CNTLN: variants seen among roughly 807,000 people sequenced by gnomAD.
CNTLN encodes centlein, centrosomal protein.
CNTLN carries 212 observed loss-of-function variants against 180.0 expected under a neutral mutation model. The observed-to-expected ratio is 1.18, with a 90% CI of 1.05 to 1.32. The LOEUF (loss-of-function observed/expected upper bound fraction) is 1.32. CNTLN is among the 40% of genes most tolerant of loss of function. The probability of loss-of-function intolerance (pLI) is 0.00; values close to 1 mark genes in which losing one functional copy is unlikely to be tolerated. For synonymous variants in CNTLN, 722 were observed against 563.1 expected, an observed-to-expected ratio of 1.28 and a Z score of -3.99; for missense variants, 2,095 against 1,610.9, an observed-to-expected ratio of 1.30 and a Z score of -5.14.
chr9:17,483,191 A>G (rs191218146), intron 23 of CNTLN, among the ~76,000 whole-genome samples: 25 of 152,268 alleles, frequency 1.6e-4, no homozygotes, highest in African/African-American at 5.3e-4. Flanking sequence ...ACAAAAAATG[A>G]CAAAGAAAAT....
intron 6 of CNTLN, among the ~76,000 whole-genome samples, chr9:17,282,599 A>C (rs766380165): frequency 3.9e-5 from 6 of 151,978 alleles, no homozygotes; most frequent in Non-Finnish European, 7.4e-5. Context: ...ATTAGATAGC[A>C]TTTGTCCATT....
At chr9:17,185,466 T>C (rs1292490876) in intron 2 of CNTLN, among the ~76,000 whole-genome samples, 1 of 152,224 alleles carries the variant, frequency 6.6e-6, no homozygotes, top group East Asian at 1.9e-4. Context: ...CAGCAAACGT[T>C]TTCTTTTTAA....
At chr9:17,454,714 C>G (rs1325850888) in intron 18 of CNTLN, among the ~76,000 whole-genome samples, 1 of 152,176 alleles carries the variant, frequency 6.6e-6, no homozygotes, top group East Asian at 1.9e-4. Flanking sequence ...CTCGAGATCA[C>G]CTTTGTTAGG....
At chr9:17,314,858 T>C (rs955407450) in intron 8 of CNTLN, among the ~76,000 whole-genome samples, 2 of 152,220 alleles carry the variant, frequency 1.3e-5, no homozygotes, top group African/African-American at 2.4e-5. Flanking sequence ...TCTGTCATTA[T>C]TGTAAATGGA....
chr9:17,268,638 G>A (rs931053925), intron 5 of CNTLN, among the ~76,000 whole-genome samples: 8 of 152,284 alleles, frequency 5.3e-5, no homozygotes, highest in East Asian at 3.9e-4. Flanking sequence ...TGCCCCCAGA[G>A]GTGGAGCCTA....
the CNTLN span, among the ~76,000 whole-genome samples, chr9:17,528,404 A>G: frequency 2.0e-5 from 3 of 152,206 alleles, no homozygotes; most frequent in African/African-American, 7.2e-5. Context: ...TATGAAGAGG[A>G]CATTAGACAA....
intron 12 of CNTLN, among the ~76,000 whole-genome samples, chr9:17,360,987 T>C (rs1489056280): frequency 6.6e-6 from 1 of 152,216 alleles, no homozygotes; most frequent in East Asian, 1.9e-4. Context: ...CTTATTTCTG[T>C]CCACTTTTTC....
chr9:17,389,026 C>G (rs887341761), intron 14 of CNTLN, among the ~76,000 whole-genome samples: 71 of 151,574 alleles, frequency 4.7e-4, no homozygotes, highest in African/African-American at 1.7e-3. Flanking sequence ...TTTACAGAAC[C>G]TTAATACTTA....
At chr9:17,360,140 T>C (rs1823247322) in intron 12 of CNTLN, among the ~76,000 whole-genome samples, 1 of 152,216 alleles carries the variant, frequency 6.6e-6, no homozygotes, top group East Asian at 1.9e-4. Context: ...ATTTTAAATT[T>C]TTCTAAGTTC....
At chr9:17,270,958 T>TTTTA in intron 5 of CNTLN, among the ~76,000 whole-genome samples, 1 of 86,324 alleles carries the variant, frequency 1.2e-5, no homozygotes, top group Admixed American at 1.2e-4. Flanking sequence ...TTTTTTTTTT[T>TTTTA]TTTTTTTTTT....
At chr9:17,368,496 C>A (rs367764591) in intron 13 of CNTLN, among the ~76,000 whole-genome samples, 1 of 152,156 alleles carries the variant, frequency 6.6e-6, no homozygotes, top group African/African-American at 2.4e-5. Flanking sequence ...GGGCCTTGAG[C>A]AAACATAGGT....
At chr9:17,168,555 G>A (rs1184714779) in intron 2 of CNTLN, 3 of 152,080 alleles carry the variant, frequency 2.0e-5, no homozygotes, top group African/African-American at 7.2e-5. Context: ...ATAAAAATAT[G>A]TGACTGTTCA....
chr9:17,244,618 T>C (rs6475123), intron 5 of CNTLN, among the ~76,000 whole-genome samples: 28,359 of 151,980 alleles, frequency 0.19, 4,400 homozygotes, highest in African/African-American at 0.42. Flanking sequence ...TATTAGTGAG[T>C]GTTTGTTTCA....
intron 5 of CNTLN, among the ~76,000 whole-genome samples, chr9:17,265,199 T>G (rs1464717196): frequency 6.6e-6 from 1 of 150,662 alleles, no homozygotes; most frequent in Non-Finnish European, 1.5e-5. Flanking sequence ...GCTCTTATTA[T>G]TTTGAAATAC....
intron 2 of CNTLN, among the ~76,000 whole-genome samples, chr9:17,185,563 T>A (rs886128609): frequency 1.3e-5 from 2 of 152,194 alleles, no homozygotes; most frequent in African/African-American, 2.4e-5. Flanking sequence ...AGTTTACTTT[T>A]CCCTGTTAAT....
chr9:17,378,598 ATTTC>A (rs1316323239), intron 13 of CNTLN, among the ~76,000 whole-genome samples: 5 of 151,902 alleles, frequency 3.3e-5, no homozygotes, highest in African/African-American at 7.3e-5. Context: ...ATGTTTTATT[ATTTC>A]TTTTCTGAGC....
intron 2 of CNTLN, among the ~76,000 whole-genome samples, chr9:17,176,736 C>G (rs1399369660): frequency 6.6e-6 from 1 of 152,124 alleles, no homozygotes; most frequent in Non-Finnish European, 1.5e-5. Context: ...TGGGAGTTTC[C>G]AAATTGCCAA....
intron 5 of CNTLN, among the ~76,000 whole-genome samples, chr9:17,242,674 A>G (rs1490629313): frequency 6.6e-6 from 1 of 152,162 alleles, no homozygotes; most frequent in African/African-American, 2.4e-5. Context: ...ATTGATTTGC[A>G]TATGTTAAAC....
chr9:17,156,080 A>C (rs1330898089), intron 2 of CNTLN, among the ~76,000 whole-genome samples: 1 of 152,160 alleles, frequency 6.6e-6, no homozygotes, highest in Non-Finnish European at 1.5e-5. Flanking sequence ...AGCGAGTCCC[A>C]ATGAGATGAA....
Sources: gnomAD v4.1 joint callset for allele counts (sites outside exome capture counted in the v4.1 genomes callset) on GRCh38, gnomAD v4.1.1 for gene constraint, MANE v1.5 for transcripts, NCBI Gene and HGNC (gene_info 2026-07-23, HGNC 2026-07-21) for gene names.